The following CBARP variants were observed in gnomAD, a reference collection of about 807,000 sequenced individuals.
The protein encoded by CBARP is CACN subunit beta associated regulatory protein.
CBARP carries 24 observed loss-of-function variants against 36.3 expected under a neutral mutation model. The observed-to-expected ratio is 0.66, with a 90% CI of 0.48 to 0.93. The LOEUF is 0.93. Among genes scored for constraint, CBARP ranks in the 40% least tolerant of loss-of-function variants. The pLI is 0.00. For synonymous variants in CBARP, 586 were observed against 453.2 expected (o/e 1.29, Z -3.72); for missense variants, 1,146 against 980.4 (o/e 1.17, Z -2.26).
At position 1,229,529 on chromosome 19, in the gene CBARP, G is replaced by C; in HGVS notation, c.1768C>G (p.Pro590Ala). Reference protein sequence around the residue: ...QWQRGRQHSDPGARAAPALAG... With the variant: ...QWQRGRQHSDAGARAAPALAG... ...AGGGCCGGGGCCGCGCGGGCGCCGG[G>C]GTCGCTGTGCTGCCGGCCACGCTGC... Residue 590 changes from proline to alanine, a missense_variant, in exon 10 of 10, where the codon CCC becomes GCC. Transcript: ENST00000650044. This position sits in a 1 kb window ranked among gnomAD's most constrained non-coding sequence, Gnocchi z 5.1. 1 of 980,510 alleles carries C rather than the reference G, an allele frequency of 1.0e-6. No individual in the cohort carries two copies. Among genetic ancestry groups the C allele is most frequent in the Non-Finnish European group, 1.2e-6 (1 of 828,392 alleles). The allele number at this position is 980,510 out of a possible 1,614,324, so 60.7% of individuals were successfully genotyped here. A position where few individuals can be genotyped will look rare whatever the true frequency, so the allele number is the denominator to read the frequency against.
chr19:1,230,763 C>A, intron 9 of CBARP: 1 of 1,359,450 alleles, frequency 7.4e-7, no homozygotes, highest in Non-Finnish European at 9.4e-7. Flanking sequence ...GCCTTGGGAG[C>A]ATGGGCGGGG....
At position 1,234,193 on chromosome 19, in the gene CBARP, A is replaced by T; in HGVS notation, c.766T>A (p.Ser256Thr). The change falls in exon 7 of 10, where the codon TCG (serine) becomes ACG (threonine). Residue 256 changes from serine (S) to threonine (T), a missense_variant and splice_region_variant. Coordinates refer to ENST00000650044, the MANE Select transcript of CBARP (RefSeq NM_001393918.1). ...GGGGGACACGCAGGGGCCCTCACCG[A>T]GGTGCCTTCCCCAGAGTCGCTAGAT... ...SASSDSGEGTSLDAGTRSTKA... is the reference protein window; with the variant it reads ...SASSDSGEGTTLDAGTRSTKA... 1 of 1,517,370 alleles carries T rather than the reference A, an allele frequency of 6.6e-7. No homozygotes were observed. Among genetic ancestry groups the T allele is most frequent in the South Asian group, 1.3e-5 (1 of 75,896 alleles). The allele number at this position is 1,517,370 out of a possible 1,614,324, so 94.0% of individuals were successfully genotyped here.
Position 1,229,779 on chromosome 19 carries a change from G to A in CBARP, c.1518C>T (p.Ala506=), listed in dbSNP as rs1418860236. 2 of 1,019,296 alleles carry A rather than the reference G, an allele frequency of 2.0e-6. No homozygotes were observed. Among genetic ancestry groups the A allele is most frequent in the Non-Finnish European group, 2.4e-6 (2 of 844,796 alleles). The allele number at this position is 1,019,296 out of a possible 1,614,324, so 63.1% of individuals were successfully genotyped here. A position where few individuals can be genotyped will look rare whatever the true frequency, so the allele number is the denominator to read the frequency against. Reference sequence around the variant, plus strand: ...CGCCTGCGCCGCGGCCCTCGATGCTGGCGTAGCCACTGTCCATCTGCAGCA... The same window carrying A: ...CGCCTGCGCCGCGGCCCTCGATGCTAGCGTAGCCACTGTCCATCTGCAGCA... ...RRLLQMDSGY[A]SIEGRGAGDD... Residue 506 remains alanine, a synonymous_variant, in exon 10 of 10, where the codon GCC becomes GCT. Coordinates refer to ENST00000650044, the MANE Select transcript of CBARP (RefSeq NM_001393918.1). This position sits in a 1 kb window ranked among gnomAD's most constrained non-coding sequence, Gnocchi z 5.1.
Position 1,231,107 on chromosome 19 carries a change from A to T in CBARP, c.1148T>A (p.Leu383His). The T allele has an allele frequency of 6.3e-7, 1 of 1,596,662 alleles. No homozygotes were observed. Among genetic ancestry groups the T allele is most frequent in the South Asian group, 1.1e-5 (1 of 89,862 alleles). ...TCCATCTACTGAAAAATACCTGCCG[A>T]GAGCAGGGGGCGGGCTGGCCAGAAA... ...RPFLASPPPA[L>H]GRLEAAEAAG... The change falls in exon 9 of 10, where the codon CTC becomes CAC. Residue 383 changes from leucine (L) to histidine (H), a missense_variant. Physicochemically the swap from Leu to His is moderately conservative, Grantham distance 99 (BLOSUM62 -3). Transcript: ENST00000650044.
At position 1,235,029 on chromosome 19, in the gene CBARP, T is replaced by C. The variant is rs949218996; in HGVS notation, c.427A>G (p.Ser143Gly). 1.2e-6 allele frequency: 2 copies of C among 1,610,080 alleles called. No individual in the cohort carries two copies. Among genetic ancestry groups the C allele is most frequent in the Non-Finnish European group, 1.7e-6 (2 of 1,178,428 alleles). ...SFNEAALFEQSRKTQDKGRRY... is the reference protein window; with the variant it reads ...SFNEAALFEQGRKTQDKGRRY... ...CGACCCTTGTCCTGCGTCTTGCGGC[T>C]CTGCTCAAACAGCGCCGCCTCATTG... The change falls in exon 5 of 10, where the codon AGC (serine) becomes GGC (glycine). Residue 143 changes from serine to glycine, a missense_variant. Transcript: ENST00000650044.
At chr19:1,231,013 A>C (rs1294269202) in intron 9 of CBARP, 88 bp downstream of exon 9, 1 of 1,549,298 alleles carries the variant, frequency 6.5e-7, no homozygotes, top group South Asian at 1.2e-5. Flanking sequence ...CGGGGCCTGG[A>C]GAGCGCTCCC....
rs1003619385 is a variant in CBARP at position 1,229,082 on chromosome 19, T to C, written c.*97A>G. ...GCGAAGGGCCCGCGGTCCCCGCGCATTCGCGTCGGGGCGTCGCGCCCCCAC... is the reference window on the plus strand; with the variant it reads ...GCGAAGGGCCCGCGGTCCCCGCGCACTCGCGTCGGGGCGTCGCGCCCCCAC... On this transcript the variant is annotated 3_prime_UTR_variant, in exon 10 of 10. Transcript: ENST00000650044. The surrounding 1 kb of genome is among the most constrained non-coding windows in gnomAD (Gnocchi z 5.1). 7 of 323,268 alleles carry C rather than the reference T, an allele frequency of 2.2e-5. No individual in the cohort carries two copies. The South Asian group carries it at 2.8e-4, about 13-fold the overall frequency. 20.0% of individuals were successfully genotyped at this position (323,268 alleles called of 1,614,324 possible). A position where few individuals can be genotyped will look rare whatever the true frequency, so the allele number is the denominator to read the frequency against.
At chr19:1,236,499 G>T (rs927283639) in intron 1 of CBARP, among the ~76,000 whole-genome samples, 11 of 152,146 alleles carry the variant, frequency 7.2e-5, no homozygotes, top group African/African-American at 2.7e-4. Flanking sequence ...GCCGGCTCGA[G>T]AAGGACTCCA....
At chr19:1,236,221 C>T (rs1357877741) in intron 1 of CBARP, 100 bp from the exon 2 acceptor site, 30 of 1,329,750 alleles carry the variant, frequency 2.3e-5, no homozygotes, top group Non-Finnish European at 2.6e-5. Flanking sequence ...GGAGCCCACA[C>T]AGGGGGCAGT....
chr19:1,236,938 G>A (rs1238824224), intron 1 of CBARP, among the ~76,000 whole-genome samples: 3 of 151,696 alleles, frequency 2.0e-5, no homozygotes, highest in Non-Finnish European at 4.4e-5. Context: ...CCGGGCGCCC[G>A]GAGCATCCCC....
chr19:1,235,697 A>T, intron 3 of CBARP, 82 bp downstream of exon 3: 1 of 1,600,542 alleles, frequency 6.2e-7, no homozygotes, highest in Non-Finnish European at 8.5e-7. Flanking sequence ...TGTGACTCAG[A>T]AGCCAGTGAG....
Position 1,230,691 on chromosome 19 carries a change from G to A in CBARP, c.1154+410C>T, listed in dbSNP as rs1033510478. ...CTGGGCTTCAGGGAAGTTGCCCTTG[G>A]GTTGGGGGAGGGGTGCTGCTGGCCG... On this transcript the variant is annotated intron_variant, in intron 9 of 9. Coordinates refer to ENST00000650044, the MANE Select transcript of CBARP (RefSeq NM_001393918.1). 5 of 1,279,756 alleles carry A rather than the reference G, an allele frequency of 3.9e-6. No homozygotes were observed. The Admixed American group carries it at 1.5e-4, about 38-fold the overall frequency. The allele number at this position is 1,279,756 out of a possible 1,614,324, so 79.3% of individuals were successfully genotyped here. A position where few individuals can be genotyped will look rare whatever the true frequency, so the allele number is the denominator to read the frequency against.
rs1460915844 is a variant in CBARP, at chr19:1,235,067, C to T, written c.389G>A (p.Arg130His). 1.2e-6 allele frequency: 2 copies of T among 1,610,924 alleles called. No individual in the cohort carries two copies. Among genetic ancestry groups the T allele is most frequent in the Non-Finnish European group, 8.5e-7 (1 of 1,179,078 alleles). Residue 130 changes from arginine to histidine, a missense_variant, in exon 5 of 10, where the codon CGC (arginine) becomes CAC (histidine). Coordinates refer to ENST00000650044, the MANE Select transcript of CBARP (RefSeq NM_001393918.1). Reference sequence around the variant, plus strand: ...CGCCGCCTCATTGAAGGAGACCCGGCGGCCCGTGGAGCTGGTGGACAGGAA... The same window carrying T: ...CGCCGCCTCATTGAAGGAGACCCGGTGGCCCGTGGAGCTGGTGGACAGGAA... ...ERFLSTSSTGRRVSFNEAALF... is the reference protein window; with the variant it reads ...ERFLSTSSTGHRVSFNEAALF...
intron 8 of CBARP, among the ~76,000 whole-genome samples, chr19:1,232,860 C>T (rs1363196741): frequency 2.0e-5 from 3 of 152,238 alleles, no homozygotes; most frequent in Non-Finnish European, 2.9e-5. Flanking sequence ...CACCACCATC[C>T]GGGGCCTGAT....
In CBARP at chr19:1,237,306, G is replaced by A. The variant is rs918550917; in HGVS notation, c.-22+450C>T. On this transcript the variant is annotated intron_variant, in intron 1 of 9. Transcript: ENST00000650044. ...GGAAGGGGCCGCATATGTAGGTCGGGAAATGAGTTCAGGCTGGAGGGGGTG... is the reference window on the plus strand; with the variant it reads ...GGAAGGGGCCGCATATGTAGGTCGGAAAATGAGTTCAGGCTGGAGGGGGTG... Among the ~76,000 whole-genome samples, 25 of 152,334 alleles carry A rather than the reference G, an allele frequency of 1.6e-4. No individual in the cohort carries two copies. In the East Asian group the frequency reaches 3.1e-3, roughly 19 times the overall value.
In CBARP at chr19:1,229,815, C is replaced by T; in HGVS notation, c.1482G>A (p.Glu494=). The T allele has an allele frequency of 1.0e-6, 1 of 991,380 alleles. No homozygotes were observed. 61.4% of individuals were successfully genotyped at this position (991,380 alleles called of 1,614,324 possible). ...SPPAPRPKDG[E]ARRLLQMDSG... ...TGTCCATCTGCAGCAGCCGGCGCGC[C>T]TCGCCGTCCTTGGGCCGCGGCGCGG... The change falls in exon 10 of 10, where the codon GAG becomes GAA. Residue 494 remains glutamate, a synonymous_variant. Transcript: ENST00000650044. The surrounding 1 kb of genome is among the most constrained non-coding windows in gnomAD (Gnocchi z 5.1).
chr19:1,235,047 C>T lies in CBARP; in HGVS notation c.409G>A (p.Ala137Thr), dbSNP rs1233657924. 2.5e-6 allele frequency: 4 copies of T among 1,611,224 alleles called. No individual in the cohort carries two copies. The highest frequency in any genetic ancestry group is 2.2e-5 in the East Asian group (1 of 44,874). Residue 137 changes from alanine (A) to threonine (T), a missense_variant, in exon 5 of 10, where the codon GCG becomes ACG. Coordinates refer to ENST00000650044, the MANE Select transcript of CBARP (RefSeq NM_001393918.1). ...TTGCGGCTCTGCTCAAACAGCGCCG[C>T]CTCATTGAAGGAGACCCGGCGGCCC... ...STGRRVSFNE[A>T]ALFEQSRKTQ...
chr19:1,233,397 C>T (rs761788280), intron 8 of CBARP, 29 bp downstream of exon 8: 1 of 1,542,878 alleles, frequency 6.5e-7, no homozygotes, highest in Non-Finnish European at 8.8e-7. Flanking sequence ...CCCACAGGGG[C>T]CCACTCTCCA....
intron 1 of CBARP, among the ~76,000 whole-genome samples, chr19:1,236,341 G>A (rs972893518): frequency 1.3e-5 from 2 of 152,206 alleles, no homozygotes; most frequent in Non-Finnish European, 2.9e-5. Flanking sequence ...CATGGCGGGG[G>A]AGGAGGCCTG....
Sources: allele counts gnomAD v4.1 joint callset (sites outside exome capture counted in the v4.1 genomes callset), GRCh38; gene constraint gnomAD v4.1.1; non-coding constraint Gnocchi (gnomAD v3.1); transcripts MANE v1.5; gene names NCBI Gene and HGNC (gene_info 2026-07-23, HGNC 2026-07-21).